The following MARCHF1 variants were observed in gnomAD, a reference collection of about 807,000 sequenced individuals.
MARCHF1 encodes the protein E3 ubiquitin-protein ligase MARCHF1.
In MARCHF1, 40 loss-of-function variants were observed where a neutral mutation model predicts 54.2. The ratio of observed to expected loss-of-function variants is 0.74; its 90% CI spans 0.57 to 0.96. The LOEUF (loss-of-function observed/expected upper bound fraction) is 0.96, where lower values mean the gene tolerates loss of function less well. Among genes scored for constraint, MARCHF1 ranks in the 40% least tolerant of loss-of-function variants. The pLI, the probability that MARCHF1 is intolerant of heterozygous loss-of-function variation, is 0.00. For missense variants in MARCHF1, 586 were observed against 656.5 expected (o/e 0.89, Z 1.17); for synonymous variants, 236 against 236.3 (o/e 1.00, Z 0.01).
intron 5 of MARCHF1, among the ~76,000 whole-genome samples, chr4:163,628,217 G>C (rs1283632014): frequency 1.3e-5 from 2 of 152,036 alleles, no homozygotes; most frequent in Non-Finnish European, 2.9e-5. Context: ...ATAATAAACA[G>C]ACAACCTAAT....
chr4:163,851,433 C>G (rs1314184391), intron 4 of MARCHF1, among the ~76,000 whole-genome samples: 3 of 152,088 alleles, frequency 2.0e-5, no homozygotes, highest in African/African-American at 7.2e-5. Context: ...CTATGCTTCT[C>G]TTTTATATTG....
chr4:164,100,412 T>C (rs972965338), intron 2 of MARCHF1, among the ~76,000 whole-genome samples: 1 of 152,340 alleles, frequency 6.6e-6, no homozygotes, highest in African/African-American at 2.4e-5. Context: ...TTAGCATTCA[T>C]TTAAACATTT....
chr4:164,261,883 G>A (rs1320844022), intron 1 of MARCHF1, among the ~76,000 whole-genome samples: 1 of 152,066 alleles, frequency 6.6e-6, no homozygotes, highest in African/African-American at 2.4e-5. Flanking sequence ...GCTCACACCT[G>A]TAATCCCACC....
intron 3 of MARCHF1, among the ~76,000 whole-genome samples, chr4:163,856,274 A>G (rs188443916): frequency 2.2e-4 from 34 of 152,238 alleles, no homozygotes; most frequent in Non-Finnish European, 4.1e-4. Context: ...TTTTAGGATT[A>G]TTAGCTAGGC....
chr4:163,964,855 G>T (rs1273048395), intron 3 of MARCHF1, among the ~76,000 whole-genome samples: 1 of 151,950 alleles, frequency 6.6e-6, no homozygotes, highest in Non-Finnish European at 1.5e-5. Flanking sequence ...TCATCTTTGA[G>T]CTTGTCCTGG....
At chr4:164,045,207 T>C (rs1438365009) in intron 2 of MARCHF1, among the ~76,000 whole-genome samples, 1 of 152,116 alleles carries the variant, frequency 6.6e-6, no homozygotes, top group Non-Finnish European at 1.5e-5. Context: ...ATAAATTTCA[T>C]TCATTTTAAA....
chr4:163,719,299 C>A (rs182967470), intron 4 of MARCHF1, among the ~76,000 whole-genome samples: 3 of 151,444 alleles, frequency 2.0e-5, no homozygotes, highest in African/African-American at 7.3e-5. Context: ...TTTGTTCTTG[C>A]GATAGTTTGC....
chr4:163,932,437 A>C, intron 3 of MARCHF1: 1 of 387,130 alleles, frequency 2.6e-6, no homozygotes, highest in South Asian at 2.1e-5. Context: ...AATATTCTAA[A>C]TCCTTTGTTG....
intron 2 of MARCHF1, among the ~76,000 whole-genome samples, chr4:163,993,024 T>G (rs1752998092): frequency 6.6e-6 from 1 of 151,992 alleles, no homozygotes; most frequent in African/African-American, 2.4e-5. Flanking sequence ...AACATATGGA[T>G]AAGTTATCAT....
intron 9 of MARCHF1, among the ~76,000 whole-genome samples, chr4:163,531,449 A>G (rs940259421): frequency 1.3e-5 from 2 of 151,822 alleles, no homozygotes; most frequent in African/African-American, 4.8e-5. Context: ...AACGGAAGGG[A>G]ATTTCCTTAA....
intron 2 of MARCHF1, among the ~76,000 whole-genome samples, chr4:164,090,413 T>C (rs1045192417): frequency 2.0e-5 from 3 of 152,134 alleles, no homozygotes; most frequent in Admixed American, 6.6e-5. Context: ...ATTTTTATTG[T>C]ATTTGTGATG....
chr4:164,298,736 C>T (rs944065097), intron 1 of MARCHF1, among the ~76,000 whole-genome samples: 2 of 151,954 alleles, frequency 1.3e-5, no homozygotes, highest in African/African-American at 4.8e-5. Flanking sequence ...ACAAATGGCA[C>T]TCTGGTTATT....
intron 5 of MARCHF1, among the ~76,000 whole-genome samples, chr4:163,690,926 C>G (rs1744426397): frequency 6.6e-6 from 1 of 152,166 alleles, no homozygotes; most frequent in South Asian, 2.1e-4. Context: ...TATAAACCTG[C>G]AGAGCCCAAA....
chr4:163,659,769 C>T (rs2111095841), intron 5 of MARCHF1, among the ~76,000 whole-genome samples: 1 of 151,996 alleles, frequency 6.6e-6, no homozygotes, highest in East Asian at 1.9e-4. Flanking sequence ...CAAAAGAAGA[C>T]ATTTATGCAG....
intron 5 of MARCHF1, among the ~76,000 whole-genome samples, chr4:163,662,966 G>T (rs1230665743): frequency 8.0e-6 from 1 of 125,598 alleles, no homozygotes; most frequent in East Asian, 2.2e-4. Flanking sequence ...TTTGCCACGG[G>T]TTATTATTGG....
chr4:164,242,844 G>C (rs898274265), intron 1 of MARCHF1, among the ~76,000 whole-genome samples: 44 of 151,206 alleles, frequency 2.9e-4, no homozygotes, highest in Non-Finnish European at 5.9e-5. Flanking sequence ...GAAGCCTCAG[G>C]AGCCGATGCG....
chr4:164,381,372 A>T (rs1399165817), intron 1 of MARCHF1, among the ~76,000 whole-genome samples: 2 of 152,238 alleles, frequency 1.3e-5, no homozygotes, highest in African/African-American at 2.4e-5. Flanking sequence ...TATTTATAAT[A>T]TGCTTATACT....
intron 1 of MARCHF1, among the ~76,000 whole-genome samples, chr4:164,368,548 C>T (rs1354000678): frequency 6.6e-6 from 1 of 151,766 alleles, no homozygotes; most frequent in Admixed American, 6.6e-5. Flanking sequence ...GACAACAACA[C>T]AAAAAAGGAA....
chr4:163,965,014 AG>A (rs1182172069), intron 3 of MARCHF1, among the ~76,000 whole-genome samples: 1 of 152,040 alleles, frequency 6.6e-6, no homozygotes, highest in Non-Finnish European at 1.5e-5. Context: ...TTGCATGGCA[AG>A]GGTTCTATAC....
Sources: gnomAD v4.1 joint callset for allele counts (sites outside exome capture counted in the v4.1 genomes callset) on GRCh38, gnomAD v4.1.1 for gene constraint, MANE v1.5 for transcripts, NCBI Gene and HGNC (gene_info 2026-07-23, HGNC 2026-07-21) for gene names.